Variants in CPSF3 observed in about 807,000 individuals in gnomAD.
CPSF3 encodes the protein cleavage and polyadenylation specificity factor subunit 3.
CPSF3 carries 57 observed loss-of-function variants against 84.1 expected under a neutral mutation model. The ratio of observed to expected loss-of-function variants is 0.68; its 90% confidence interval spans 0.55 to 0.85. CPSF3 has a LOEUF of 0.85. CPSF3 is among the 40% of genes least tolerant of loss of function. CPSF3 has a pLI of 0.00. For synonymous variants in CPSF3, 275 were observed against 278.1 expected, an observed-to-expected ratio of 0.99 and a Z score of 0.11; for missense variants, 522 against 838.8, an observed-to-expected ratio of 0.62 and a Z score of 4.66.
chr2:9,423,943 C>T (rs552363613), intron 1 of CPSF3, 120 bp downstream of exon 1: 2 of 1,484,746 alleles, frequency 1.3e-6, no homozygotes, highest in Admixed American at 2.5e-5. Context: ...GCCTTTGGTC[C>T]GCGCTTGCGG....
chr2:9,452,764 C>T, intron 11 of CPSF3, 149 bp from the exon 12 acceptor site: 1 of 615,908 alleles, frequency 1.6e-6, no homozygotes. Flanking sequence ...ATAGAGATAT[C>T]AAACATTTTA....
intron 6 of CPSF3, among the ~76,000 whole-genome samples, chr2:9,434,670 TG>T (rs1445624684): frequency 6.6e-6 from 1 of 152,216 alleles, no homozygotes; most frequent in Non-Finnish European, 1.5e-5. Flanking sequence ...CTTATCGTTT[TG>T]TTTATCTTTG....
In CPSF3 at chr2:9,430,795, A is replaced by G; in HGVS notation, c.256A>G (p.Lys86Glu). 6.2e-7 allele frequency: 1 copy of G among 1,613,864 alleles called. No homozygotes were observed. The highest frequency in any genetic ancestry group is 8.5e-7 in the Non-Finnish European group (1 of 1,179,780). ...TGGAGCTCTGCCCTGGTTTCTACAG[A>G]AGACAAGTTTCAAAGGAAGAACATT... Reference protein sequence around the residue: ...HCGALPWFLQKTSFKGRTFMT... With the variant: ...HCGALPWFLQETSFKGRTFMT... Residue 86 changes from lysine to glutamate, a missense_variant, in exon 4 of 18, where the codon AAG becomes GAG. By Grantham distance (56) the Lys-to-Glu change is moderately conservative. Transcript: ENST00000238112.
chr2:9,438,124 T>C (rs971812534), intron 7 of CPSF3, among the ~76,000 whole-genome samples: 3 of 152,182 alleles, frequency 2.0e-5, no homozygotes, highest in African/African-American at 7.2e-5. Flanking sequence ...GGAGAAAAAA[T>C]AGTATCCCTG....
intron 15 of CPSF3, among the ~76,000 whole-genome samples, 157 bp downstream of exon 15, chr2:9,459,775 A>G (rs1470013392): frequency 6.7e-6 from 1 of 150,020 alleles, no homozygotes; most frequent in East Asian, 2.0e-4. Context: ...TCAGCCTCCC[A>G]AGGTGTTGGG....
In CPSF3 at chr2:9,466,434, GCA is replaced by G. The variant is rs548155435; in HGVS notation, c.1787-1264_1787-1263del. On this transcript the variant is annotated intron_variant, in intron 15 of 17. Transcript: ENST00000238112. ...CACACACGCACACGCGCACACACGC[GCA>G]CACACACAAAATTAGCTGGGCATGG... 5.0e-3 allele frequency among the ~76,000 whole-genome samples: 739 copies of G among 147,736 alleles called. 4 individuals carry two copies. Among genetic ancestry groups the G allele is most frequent in the African/African-American group, 0.018 (694 of 37,828 alleles).
intron 6 of CPSF3, among the ~76,000 whole-genome samples, chr2:9,435,877 C>T (rs145651824): frequency 2.8e-4 from 43 of 152,106 alleles, no homozygotes; most frequent in South Asian, 1.5e-3. Context: ...GGATTACAGG[C>T]GCCCACCACC....
At chr2:9,439,340 G>T (rs191243420) in intron 7 of CPSF3, among the ~76,000 whole-genome samples, 31 of 152,230 alleles carry the variant, frequency 2.0e-4, no homozygotes, top group Admixed American at 7.2e-4. Context: ...AGGCATGGTG[G>T]CCAGCGCCTG....
chr2:9,469,457 G>A (rs544860893), intron 16 of CPSF3, among the ~76,000 whole-genome samples: 3 of 152,232 alleles, frequency 2.0e-5, no homozygotes, highest in East Asian at 1.9e-4. Flanking sequence ...TAGAAAACCC[G>A]TGTGGCCCTG....
chr2:9,441,727 C>T, intron 8 of CPSF3, 91 bp from the exon 9 acceptor site: 1 of 1,298,514 alleles, frequency 7.7e-7, no homozygotes, highest in Admixed American at 2.1e-5. Flanking sequence ...TGTGATTAAT[C>T]TCTTAGCCTT....
At chr2:9,457,244 G>A (rs1681566768) in intron 14 of CPSF3, among the ~76,000 whole-genome samples, 2 of 148,910 alleles carry the variant, frequency 1.3e-5, no homozygotes, top group African/African-American at 4.9e-5. Context: ...TTTCTATGTA[G>A]TCACAAAAAA....
intron 1 of CPSF3, 32 bp downstream of exon 1, chr2:9,423,855 A>T (rs1423608425): frequency 1.9e-6 from 3 of 1,609,912 alleles, no homozygotes; most frequent in Non-Finnish European, 2.5e-6. Context: ...GAATGAAGCC[A>T]CGGGCTGTGA....
chr2:9,470,744 G>A (rs2124877443), intron 16 of CPSF3, among the ~76,000 whole-genome samples: 1 of 152,280 alleles, frequency 6.6e-6, no homozygotes, highest in African/African-American at 2.4e-5. Flanking sequence ...TAACTTCTGT[G>A]TCTTGTTTTC....
At chr2:9,437,991 G>A (rs1158606671) in intron 7 of CPSF3, among the ~76,000 whole-genome samples, 1 of 152,202 alleles carries the variant, frequency 6.6e-6, no homozygotes, top group Non-Finnish European at 1.5e-5. Flanking sequence ...GACACAATGA[G>A]ACCCTGTCTC....
chr2:9,433,144 C>T (rs781063818), intron 5 of CPSF3, among the ~76,000 whole-genome samples: 115 of 152,268 alleles, frequency 7.6e-4, no homozygotes, highest in Non-Finnish European at 1.5e-3. Flanking sequence ...TTTGGGGAAG[C>T]CTTGAACTTC....
intron 12 of CPSF3, among the ~76,000 whole-genome samples, chr2:9,453,935 T>TTTG (rs1228156759): frequency 1.3e-5 from 2 of 152,174 alleles, no homozygotes; most frequent in Admixed American, 6.5e-5. Flanking sequence ...TACATTTAAG[T>TTTG]TTGTAAATTG....
chr2:9,457,248 C>T (rs1029834983), intron 14 of CPSF3, among the ~76,000 whole-genome samples: 1 of 150,430 alleles, frequency 6.6e-6, no homozygotes, highest in South Asian at 2.1e-4. Flanking sequence ...TATGTAGTCA[C>T]AAAAAAACCT....
intron 9 of CPSF3, among the ~76,000 whole-genome samples, 182 bp downstream of exon 9, chr2:9,442,158 G>C (rs567459027): frequency 3.7e-4 from 56 of 152,312 alleles, no homozygotes; most frequent in Non-Finnish European, 5.6e-4. Flanking sequence ...GACACTGAAT[G>C]GCATAATGAG....
intron 8 of CPSF3, 178 bp from the exon 9 acceptor site, chr2:9,441,640 T>C (rs1680962631): frequency 1.6e-6 from 1 of 631,652 alleles, no homozygotes; most frequent in Non-Finnish European, 2.7e-6. Flanking sequence ...TTTTCTACCA[T>C]TCCTAGCCTA....
Sources: allele counts gnomAD v4.1 joint callset (sites outside exome capture counted in the v4.1 genomes callset), GRCh38; gene constraint gnomAD v4.1.1; transcripts MANE v1.5; gene names NCBI Gene and HGNC (gene_info 2026-07-23, HGNC 2026-07-21).